Variants in ASXL2 observed in about 807,000 individuals in gnomAD.
ASXL2 encodes ASXL transcriptional regulator 2.
Under a neutral mutation model 122.0 loss-of-function variants are expected in ASXL2, and 23 were observed. The observed-to-expected ratio is 0.19, with a 90% CI of 0.14 to 0.27. The LOEUF is 0.27. Among genes scored for constraint, ASXL2 ranks in the 10% least tolerant of loss-of-function variants. The probability of loss-of-function intolerance (pLI) is 1.00; values close to 1 mark genes in which losing one functional copy is unlikely to be tolerated. For synonymous variants in ASXL2, 650 were observed against 637.0 expected, an observed-to-expected ratio of 1.02 and a Z score of -0.31; for missense variants, 1,518 against 1,713.8, an observed-to-expected ratio of 0.89 and a Z score of 2.02.
chr2:25,878,260 G>A lies in ASXL2; in HGVS notation c.-38C>T. On this transcript the variant is annotated 5_prime_UTR_variant, in exon 1 of 13. Transcript: ENST00000435504. ...ACTGACTGGGAGGCTCCCGTGTCCGGGCTCCGGCCGCCCTCCCTGCCTGCT... is the reference window on the plus strand; with the variant it reads ...ACTGACTGGGAGGCTCCCGTGTCCGAGCTCCGGCCGCCCTCCCTGCCTGCT... The A allele has an allele frequency of 6.2e-7, 1 of 1,610,314 alleles. No homozygotes were observed. The highest frequency in any genetic ancestry group is 8.5e-7 in the Non-Finnish European group (1 of 1,177,116).
chr2:25,769,251 T>A (rs2088406138), intron 6 of ASXL2, among the ~76,000 whole-genome samples: 1 of 152,202 alleles, frequency 6.6e-6, no homozygotes, highest in Admixed American at 6.5e-5. Flanking sequence ...ACGTTTTCAA[T>A]CATTTCTAGA....
intron 1 of ASXL2, among the ~76,000 whole-genome samples, chr2:25,871,433 T>TAGC (rs769624976): frequency 2.0e-5 from 3 of 151,876 alleles, no homozygotes; most frequent in Non-Finnish European, 4.4e-5. Flanking sequence ...GATGCAGGAG[T>TAGC]AGCAGCAGCA....
intron 1 of ASXL2, among the ~76,000 whole-genome samples, chr2:25,857,202 T>C (rs1446762934): frequency 6.6e-6 from 1 of 151,958 alleles, no homozygotes; most frequent in Non-Finnish European, 1.5e-5. Context: ...GGAGTTCTTC[T>C]GTATCCAACC....
chr2:25,796,077 G>T (rs922122216), intron 5 of ASXL2, among the ~76,000 whole-genome samples: 1 of 152,122 alleles, frequency 6.6e-6, no homozygotes, highest in African/African-American at 2.4e-5. Context: ...TACAAAGTTC[G>T]CTCAAATTAT....
At chr2:25,844,042 A>G (rs2089620333) in intron 2 of ASXL2, among the ~76,000 whole-genome samples, 1 of 152,048 alleles carries the variant, frequency 6.6e-6, no homozygotes, top group South Asian at 2.1e-4. Flanking sequence ...TGCCCACTAA[A>G]TGCCATTGTG....
chr2:25,759,890 A>C (rs1302358299), intron 8 of ASXL2, among the ~76,000 whole-genome samples: 3 of 152,224 alleles, frequency 2.0e-5, no homozygotes. Context: ...AAAGTCTGTA[A>C]AAATGGGTCT....
At chr2:25,847,564 T>C (rs1399650829) in intron 1 of ASXL2, among the ~76,000 whole-genome samples, 1 of 152,186 alleles carries the variant, frequency 6.6e-6, no homozygotes, top group Non-Finnish European at 1.5e-5. Flanking sequence ...ACTTTAGATG[T>C]CCAAAGTTAA....
At chr2:25,792,992 C>T (rs1204523429) in intron 5 of ASXL2, among the ~76,000 whole-genome samples, 3 of 151,854 alleles carry the variant, frequency 2.0e-5, no homozygotes, top group East Asian at 3.9e-4. Flanking sequence ...GCGGCTCACA[C>T]CTGTAATCCC....
Position 25,735,541 on chromosome 2 carries a change from T to C in ASXL2, c.*6488A>G, listed in dbSNP as rs2087722043. Reference sequence around the variant, plus strand: ...CCAAATGAAGAGATACAGTTACTTATCATCTATAAGATGAAAATCATGTTT... The same window carrying C: ...CCAAATGAAGAGATACAGTTACTTACCATCTATAAGATGAAAATCATGTTT... On this transcript the variant is annotated 3_prime_UTR_variant, in exon 13 of 13. Coordinates refer to ENST00000435504, the MANE Select transcript of ASXL2 (RefSeq NM_018263.6). 1 of 152,342 alleles carries C rather than the reference T, an allele frequency of 6.6e-6. No individual in the cohort carries two copies. Among genetic ancestry groups the C allele is most frequent in the East Asian group, 1.9e-4 (1 of 5,188 alleles). 9.4% of individuals were successfully genotyped at this position (152,342 alleles called of 1,614,324 possible). A position where few individuals can be genotyped will look rare whatever the true frequency, so the allele number is the denominator to read the frequency against.
chr2:25,803,403 C>T (rs1032349314), intron 4 of ASXL2, among the ~76,000 whole-genome samples: 3 of 152,190 alleles, frequency 2.0e-5, no homozygotes, highest in Non-Finnish European at 4.4e-5. Context: ...CCAATTATAA[C>T]CAGACAGTCA....
rs1278795442 is a variant in ASXL2, at chr2:25,822,077, G to A, written c.143+13461C>T. ...TATCAACATTAATACTAAAAATTGAGTTGGCGAGAAGAATTCATCTTCCAC... is the reference window on the plus strand; with the variant it reads ...TATCAACATTAATACTAAAAATTGAATTGGCGAGAAGAATTCATCTTCCAC... On this transcript the variant is annotated intron_variant, in intron 3 of 12. Transcript: ENST00000435504. 2.0e-5 allele frequency among the ~76,000 whole-genome samples: 3 copies of A among 152,128 alleles called. No individual in the cohort carries two copies. In the East Asian group the frequency reaches 5.8e-4, roughly 29 times the overall value.
chr2:25,826,486 A>C (rs1439412822), intron 3 of ASXL2, among the ~76,000 whole-genome samples: 1 of 152,176 alleles, frequency 6.6e-6, no homozygotes, highest in Non-Finnish European at 1.5e-5. Flanking sequence ...ACCTTTGATA[A>C]ACAGGTTTAA....
chr2:25,781,451 ATGT>A (rs2088635757), intron 5 of ASXL2, among the ~76,000 whole-genome samples: 1 of 152,018 alleles, frequency 6.6e-6, no homozygotes, highest in African/African-American at 2.4e-5. Flanking sequence ...TTTGTTGTTG[ATGT>A]TGTTACCGCA....
intron 11 of ASXL2, among the ~76,000 whole-genome samples, chr2:25,751,857 T>C (rs2088052954): frequency 6.6e-6 from 1 of 152,062 alleles, no homozygotes; most frequent in Non-Finnish European, 1.5e-5. Context: ...TCTTGGTCAC[T>C]GCAACCTCCG....
chr2:25,831,472 G>C (rs2089450459), intron 3 of ASXL2, among the ~76,000 whole-genome samples: 1 of 152,086 alleles, frequency 6.6e-6, no homozygotes, highest in African/African-American at 2.4e-5. Flanking sequence ...TGGGCAACAT[G>C]ATGAAACCCT....
At chr2:25,838,494 T>C (rs1041992961) in intron 2 of ASXL2, among the ~76,000 whole-genome samples, 1 of 152,202 alleles carries the variant, frequency 6.6e-6, no homozygotes, top group African/African-American at 2.4e-5. Flanking sequence ...TCTTAACTTA[T>C]CAATGCCCAA....
intron 5 of ASXL2, among the ~76,000 whole-genome samples, chr2:25,778,964 G>C (rs2088589727): frequency 6.6e-6 from 1 of 151,952 alleles, no homozygotes; most frequent in Non-Finnish European, 1.5e-5. Flanking sequence ...GTTACCACTA[G>C]TTCTAGAACT....
At chr2:25,815,530 G>A (rs1028164110) in intron 3 of ASXL2, among the ~76,000 whole-genome samples, 2 of 151,918 alleles carry the variant, frequency 1.3e-5, no homozygotes, top group African/African-American at 4.8e-5. Flanking sequence ...ATACTGAAAG[G>A]AAAAAATCTG....
Position 25,750,321 on chromosome 2 carries a change from A to T in ASXL2, c.1235T>A (p.Met412Lys). The change falls in exon 12 of 13, where the codon ATG becomes AAG. Residue 412 changes from methionine (M) to lysine (K), a missense_variant. Coordinates refer to ENST00000435504, the MANE Select transcript of ASXL2 (RefSeq NM_018263.6). ...GATAAGAGAGGCCTCTGACACAGGC[A>T]TGGATTTTGGTTGTTCAGCTGGGGT... Reference protein sequence around the residue: ...KKTPAEQPKSMPVSEASLIRI... With the variant: ...KKTPAEQPKSKPVSEASLIRI... The T allele has an allele frequency of 1.2e-6, 2 of 1,614,030 alleles. No homozygotes were observed. Among genetic ancestry groups the T allele is most frequent in the East Asian group, 4.5e-5 (2 of 44,886 alleles).
Sources: gnomAD v4.1 joint callset for allele counts (sites outside exome capture counted in the v4.1 genomes callset) on GRCh38, gnomAD v4.1.1 for gene constraint, MANE v1.5 for transcripts, NCBI Gene and HGNC (gene_info 2026-07-23, HGNC 2026-07-21) for gene names.